RC3H1: variants seen among roughly 807,000 people sequenced by gnomAD.
The protein encoded by RC3H1 is roquin-1.
A neutral mutation model predicts 138.2 loss-of-function variants in RC3H1; 50 were observed. The observed-to-expected ratio is 0.36, with a 90% CI of 0.29 to 0.46. The LOEUF (loss-of-function observed/expected upper bound fraction) is 0.46. RC3H1 is among the 20% of genes least tolerant of loss of function. RC3H1 has a pLI of 1.00. For missense variants in RC3H1, 1,031 were observed against 1,388.1 expected, an observed-to-expected ratio of 0.74 and a Z score of 4.09; for synonymous variants, 462 against 489.1, an observed-to-expected ratio of 0.94 and a Z score of 0.73.
intron 1 of RC3H1, among the ~76,000 whole-genome samples, chr1:174,021,621 G>C (rs1250671117): frequency 6.6e-6 from 1 of 152,214 alleles, no homozygotes; most frequent in Non-Finnish European, 1.5e-5. Context: ...AAGAAGGGGA[G>C]CGCTTCAGGG....
chr1:173,958,192 A>C (rs1659725196), intron 13 of RC3H1, among the ~76,000 whole-genome samples: 1 of 152,216 alleles, frequency 6.6e-6, no homozygotes, highest in Admixed American at 6.5e-5. Flanking sequence ...AAAAAAATAC[A>C]AACTATAAGC....
chr1:173,963,076 T>A (rs1017656417), intron 11 of RC3H1, among the ~76,000 whole-genome samples: 3 of 152,230 alleles, frequency 2.0e-5, no homozygotes. Context: ...ATTTTACATA[T>A]AAACTATATA....
At chr1:173,978,412 C>T in intron 7 of RC3H1, 76 bp downstream of exon 7, 2 of 1,502,658 alleles carry the variant, frequency 1.3e-6, no homozygotes, top group Admixed American at 2.0e-5. Context: ...AGAGGAACAA[C>T]AAAAGATAAT....
intron 13 of RC3H1, among the ~76,000 whole-genome samples, chr1:173,956,583 C>T (rs1249361567): frequency 6.7e-5 from 10 of 150,166 alleles, no homozygotes; most frequent in African/African-American, 2.5e-4. Flanking sequence ...CACTTGAACC[C>T]AGGAGGCGGA....
At chr1:173,959,636 T>G (rs1659782821) in intron 13 of RC3H1, among the ~76,000 whole-genome samples, 1 of 151,944 alleles carries the variant, frequency 6.6e-6, no homozygotes, top group South Asian at 2.1e-4. Flanking sequence ...CCGGGCATGG[T>G]GGCTCATGCC....
intron 14 of RC3H1, among the ~76,000 whole-genome samples, chr1:173,948,914 G>A (rs549634474): frequency 4.8e-4 from 73 of 152,058 alleles, no homozygotes; most frequent in African/African-American, 1.7e-3. Flanking sequence ...ACTGATTTAA[G>A]AAAATGAGTT....
intron 7 of RC3H1, among the ~76,000 whole-genome samples, chr1:173,976,006 T>G (rs575394820): frequency 2.4e-4 from 35 of 146,256 alleles, no homozygotes; most frequent in Non-Finnish European, 4.9e-4. Context: ...AGGAAACAGA[T>G]ATAGGATTAA....
rs1235695569 is a variant in RC3H1 at position 173,952,411 on chromosome 1, A to AAAT, written c.2371-274_2371-273insATT. ...TTACCTTAGCAGAAGGTAAAAAAAA[A>AAAT]AAAAAAAAAAAGGTATTTCAATATC... On this transcript the variant is annotated intron_variant, in intron 13 of 19. Transcript: ENST00000367696. 5.4e-5 allele frequency among the ~76,000 whole-genome samples: 8 copies of AAAT among 148,108 alleles called. No homozygotes were observed. The East Asian group carries it at 1.6e-3, about 29-fold the overall frequency.
chr1:173,955,262 A>ATAC, intron 13 of RC3H1, among the ~76,000 whole-genome samples: 1 of 123,296 alleles, frequency 8.1e-6, no homozygotes, highest in South Asian at 2.3e-4. Context: ...CACAATCTTC[A>ATAC]TACAACAACA....
chr1:174,015,313 T>C lies in RC3H1; in HGVS notation c.-151+6783A>G, dbSNP rs149673017. On this transcript the variant is annotated intron_variant, in intron 1 of 19. Coordinates refer to ENST00000367696, the MANE Select transcript of RC3H1 (RefSeq NM_172071.4). ...GACCTGGACAAATTAAATACTGTTC[T>C]ATAATAAAGCTAAGAATTTAGTGAT... is the stretch of plus-strand genomic sequence containing the variant. Among the ~76,000 whole-genome samples the C allele has an allele frequency of 6.6e-4, 100 of 151,958 alleles. 1 individual carries two copies. In the East Asian group the frequency reaches 0.017, roughly 26 times the overall value.
chr1:173,974,752 ACT>A (rs1285840000), intron 7 of RC3H1, among the ~76,000 whole-genome samples: 1 of 152,148 alleles, frequency 6.6e-6, no homozygotes, highest in East Asian at 1.9e-4. Context: ...ACTGGGTTTT[ACT>A]CTGAGTTGAT....
chr1:173,964,006 C>G lies in RC3H1; in HGVS notation c.1798G>C (p.Ala600Pro), dbSNP rs1331576817. ...DVYYQDPRGA[A>P]PPFEPAPYQQ... ...TAAGGTGCTGGTTCAAATGGCGGAG[C>G]TGCTCCTCGAGGATCCTGATAATAA... Residue 600 changes from alanine to proline, a missense_variant, in exon 11 of 20, where the codon GCT becomes CCT. By Grantham distance (27) the Ala-to-Pro change is conservative (BLOSUM62 -1). Coordinates refer to ENST00000367696, the MANE Select transcript of RC3H1 (RefSeq NM_172071.4). The G allele has an allele frequency of 3.1e-6, 5 of 1,614,012 alleles. No individual in the cohort carries two copies. The African/African-American group carries it at 5.3e-5, about 17-fold the overall frequency.
At chr1:173,947,915 T>G (rs1231122534) in intron 14 of RC3H1, among the ~76,000 whole-genome samples, 1 of 151,970 alleles carries the variant, frequency 6.6e-6, no homozygotes, top group African/African-American at 2.4e-5. Context: ...GCTAATTTTT[T>G]TTGATTATTT....
intron 19 of RC3H1, among the ~76,000 whole-genome samples, chr1:173,939,692 G>A (rs371987457): frequency 4.8e-4 from 73 of 151,884 alleles, no homozygotes; most frequent in African/African-American, 1.5e-3. Context: ...AAAACTAGCC[G>A]GGTGTGGTGG....
At position 173,965,009 on chromosome 1, in the gene RC3H1, T is replaced by C. The variant is rs1660047644; in HGVS notation, c.1446A>G (p.Ala482=). Residue 482 remains alanine, a synonymous_variant, in exon 10 of 20, where the codon GCA becomes GCG. Transcript: ENST00000367696. The part of the protein sequence containing the change: ...PSAAILPDEG[A]VDLPSRKPPA... ...GAGGTTTTCTGCTAGGGAGATCCAC[T>C]GCACCTTCATCTGGAAGGATAGCTG... 3 of 1,614,072 alleles carry C rather than the reference T, an allele frequency of 1.9e-6. No individual in the cohort carries two copies. Among genetic ancestry groups the C allele is most frequent in the African/African-American group, 1.3e-5 (1 of 74,924 alleles).
At chr1:173,944,264 T>G (rs1452465485) in intron 17 of RC3H1, among the ~76,000 whole-genome samples, 1 of 152,162 alleles carries the variant, frequency 6.6e-6, no homozygotes, top group Non-Finnish European at 1.5e-5. Context: ...TAATTTTCTC[T>G]GAAGTAAATC....
In RC3H1 at chr1:173,972,539, G is replaced by A; in HGVS notation, c.1191C>T (p.Asn397=). The change falls in exon 8 of 20, where the codon AAC becomes AAT. Residue 397 remains asparagine, a synonymous_variant. Coordinates refer to ENST00000367696, the MANE Select transcript of RC3H1 (RefSeq NM_172071.4). ...GCTGATCTGCTCCTTTTTTGCTGTG[G>A]TTCTGGATATAATCAACCAGCCCAT... ...VVHGLVDYIQ[N]HSKKGADQQQ... The A allele has an allele frequency of 6.2e-7, 1 of 1,613,560 alleles. No homozygotes were observed. The highest frequency in any genetic ancestry group is 8.5e-7 in the Non-Finnish European group (1 of 1,179,730).
intron 1 of RC3H1, among the ~76,000 whole-genome samples, chr1:174,017,898 G>GTAATA (rs113452743): frequency 0.29 from 43,331 of 150,390 alleles, 11,129 homozygotes; most frequent in African/African-American, 0.7. Context: ...CATGTGCACA[G>GTAATA]TAATAATCAG....
intron 1 of RC3H1, among the ~76,000 whole-genome samples, chr1:173,994,237 T>G (rs747454827): frequency 3.4e-4 from 51 of 150,564 alleles, no homozygotes; most frequent in Non-Finnish European, 6.5e-4. Flanking sequence ...ACCAAAAATA[T>G]AAAAAATTAG....
Sources: gnomAD v4.1 joint callset for allele counts (sites outside exome capture counted in the v4.1 genomes callset) on GRCh38, gnomAD v4.1.1 for gene constraint, MANE v1.5 for transcripts, NCBI Gene and HGNC (gene_info 2026-07-23, HGNC 2026-07-21) for gene names.